The following JAKMIP1 variants were observed in gnomAD, a reference collection of about 807,000 sequenced individuals.
JAKMIP1 encodes janus kinase and microtubule-interacting protein 1.
Under a neutral mutation model 113.0 loss-of-function variants are expected in JAKMIP1, and 33 were observed. The observed-to-expected ratio is 0.29, with a 90% CI of 0.22 to 0.39. The LOEUF (loss-of-function observed/expected upper bound fraction) is 0.39. Among genes scored for constraint, JAKMIP1 ranks in the 10% least tolerant of loss-of-function variants. JAKMIP1 has a pLI of 1.00. For synonymous variants in JAKMIP1, 480 were observed against 459.9 expected, an observed-to-expected ratio of 1.04 and a Z score of -0.56; for missense variants, 813 against 1,080.5, an observed-to-expected ratio of 0.75 and a Z score of 3.47.
At chr4:6,165,968 C>T (rs577023330) in intron 1 of JAKMIP1, among the ~76,000 whole-genome samples, 256 of 152,246 alleles carry the variant, frequency 1.7e-3, no homozygotes, top group African/African-American at 5.9e-3. Flanking sequence ...CTCCTGAGGG[C>T]TGCCGGCATT....
rs1421213473 is a variant in JAKMIP1 at position 6,197,686 on chromosome 4, C to T, written c.-148+2567G>A. Among the ~76,000 whole-genome samples, 1 of 152,190 alleles carries T rather than the reference C, an allele frequency of 6.6e-6. No individual in the cohort carries two copies. The highest frequency in any genetic ancestry group is 6.5e-5 in the Admixed American group (1 of 15,282). ...CATCCTCAGACTCCCCAAGGGAAGC[C>T]CCCATTTAGTTAGAAAGCCCAGCAG... On this transcript the variant is annotated intron_variant, in intron 1 of 20. Transcript: ENST00000409021. This position sits in a 1 kb window ranked among gnomAD's most constrained non-coding sequence, Gnocchi z 6.5.
rs1025152048 is a variant in JAKMIP1 at position 6,049,025 on chromosome 4, T to G, written c.1963-103A>C. On this transcript the variant is annotated intron_variant, in intron 15 of 20. Coordinates refer to ENST00000409021, the MANE Select transcript of JAKMIP1 (RefSeq NM_001099433.2). This position sits in a 1 kb window ranked among gnomAD's most constrained non-coding sequence, Gnocchi z 7.0. ...TTTTTTTTTCGTTGTTGTTGTTTGT[T>G]TTATTATGTTTGTTTGTTTTGAGAC... The G allele has an allele frequency of 1.2e-6, 1 of 853,450 alleles. No individual in the cohort carries two copies. Among genetic ancestry groups the G allele is most frequent in the African/African-American group, 1.7e-5 (1 of 59,244 alleles). 52.9% of individuals were successfully genotyped at this position (853,450 alleles called of 1,614,324 possible). A position where few individuals can be genotyped will look rare whatever the true frequency, so the allele number is the denominator to read the frequency against.
At position 6,081,869 on chromosome 4, in the gene JAKMIP1, T is replaced by A; in HGVS notation, c.955-114A>T. ...GTTAGGACCCCTTCTGAGGCCAGTG[T>A]CCTGGATGACACATTTGTTTGCTAG... On this transcript the variant is annotated intron_variant, in intron 5 of 20. Transcript: ENST00000409021. The surrounding 1 kb of genome is among the most constrained non-coding windows in gnomAD (Gnocchi z 4.6). 8.5e-7 allele frequency: 1 copy of A among 1,180,130 alleles called. No homozygotes were observed. Among genetic ancestry groups the A allele is most frequent in the Non-Finnish European group, 1.2e-6 (1 of 832,612 alleles). 73.1% of individuals were successfully genotyped at this position (1,180,130 alleles called of 1,614,324 possible). A position where few individuals can be genotyped will look rare whatever the true frequency, so the allele number is the denominator to read the frequency against.
In JAKMIP1 at chr4:6,080,502, C is replaced by T. The variant is rs11933460; in HGVS notation, c.1102-190G>A. ...CTTGAATTGCGGCTCCCAGAACTCC[C>T]GTGTGTTGTGGGAGGGGCCAGGTGG... On this transcript the variant is annotated intron_variant, in intron 6 of 20. Transcript: ENST00000409021. The surrounding 1 kb of genome is among the most constrained non-coding windows in gnomAD (Gnocchi z 6.0). Among the ~76,000 whole-genome samples, 969 of 152,186 alleles carry T rather than the reference C, an allele frequency of 6.4e-3. 11 individuals are homozygous for T. Among genetic ancestry groups the T allele is most frequent in the African/African-American group, 0.022 (913 of 41,516 alleles).
chr4:6,032,634 G>C (rs984808587), intron 19 of JAKMIP1, among the ~76,000 whole-genome samples: 6 of 151,868 alleles, frequency 4.0e-5, no homozygotes, highest in Non-Finnish European at 8.8e-5. Context: ...AACAGTGCTT[G>C]GTACACGAAT....
chr4:6,131,957 A>G (rs10014310), intron 1 of JAKMIP1, among the ~76,000 whole-genome samples: 7,431 of 152,316 alleles, frequency 0.049, 547 homozygotes, highest in African/African-American at 0.17. Context: ...GATTAAAAGC[A>G]GCTCTTCAGA....
intron 3 of JAKMIP1, among the ~76,000 whole-genome samples, chr4:6,085,993 C>T (rs959636412): frequency 2.1e-5 from 3 of 145,406 alleles, no homozygotes; most frequent in African/African-American, 8.5e-5. Context: ...CTTCTCTCTC[C>T]GTCTCCAGGA....
At position 6,129,685 on chromosome 4, in the gene JAKMIP1, G is replaced by A. The variant is rs1718238735; in HGVS notation, c.-147-16688C>T. 6.6e-6 allele frequency among the ~76,000 whole-genome samples: 1 copy of A among 152,170 alleles called. No individual in the cohort carries two copies. Among genetic ancestry groups the A allele is most frequent in the Non-Finnish European group, 1.5e-5 (1 of 68,032 alleles). On this transcript the variant is annotated intron_variant, in intron 1 of 20. Transcript: ENST00000409021. This position sits in a 1 kb window ranked among gnomAD's most constrained non-coding sequence, Gnocchi z 5.4. ...ATTTCCCTACACAGATCAGGAGGAAGCCATCCCTCTGCATTGTAAATATGA... is the reference window on the plus strand; with the variant it reads ...ATTTCCCTACACAGATCAGGAGGAAACCATCCCTCTGCATTGTAAATATGA...
chr4:6,075,659 C>T (rs533106159), intron 8 of JAKMIP1, among the ~76,000 whole-genome samples: 53 of 152,308 alleles, frequency 3.5e-4, no homozygotes, highest in African/African-American at 1.3e-3. Context: ...TGCAACAATC[C>T]AGTGTCATAC....
chr4:6,117,568 T>C (rs2108900861), intron 1 of JAKMIP1, among the ~76,000 whole-genome samples: 1 of 152,282 alleles, frequency 6.6e-6, no homozygotes, highest in African/African-American at 2.4e-5. Flanking sequence ...ACCATTGTCA[T>C]TGATAACATC....
At chr4:6,152,245 A>T (rs1721655332) in intron 1 of JAKMIP1, among the ~76,000 whole-genome samples, 1 of 152,180 alleles carries the variant, frequency 6.6e-6, no homozygotes, top group African/African-American at 2.4e-5. Context: ...GGGAGTAAAA[A>T]GGTGAAATTT....
intron 8 of JAKMIP1, among the ~76,000 whole-genome samples, chr4:6,070,588 A>G (rs1718818516): frequency 6.6e-6 from 1 of 152,242 alleles, no homozygotes; most frequent in Non-Finnish European, 1.5e-5. Flanking sequence ...ACCATGGCAC[A>G]GGCCCTGGGT....
At chr4:6,164,458 T>C (rs1197272308) in intron 1 of JAKMIP1, among the ~76,000 whole-genome samples, 1 of 140,152 alleles carries the variant, frequency 7.1e-6, no homozygotes, top group Non-Finnish European at 1.5e-5. Context: ...GAGATTGATG[T>C]TGTTGTCATG....
At chr4:6,125,291 G>A (rs1717250021) in intron 1 of JAKMIP1, among the ~76,000 whole-genome samples, 1 of 152,010 alleles carries the variant, frequency 6.6e-6, no homozygotes, top group Admixed American at 6.5e-5. Context: ...CGGGCTGGCT[G>A]ACCCCTCACC....
Position 6,193,338 on chromosome 4 carries a change from G to T in JAKMIP1, c.-148+6915C>A, listed in dbSNP as rs187021327. ...CTCCTCAACTTGCAGACAGCCCATC[G>T]TGAGACTTTACCTTGTGATCGGTGA... is the stretch of plus-strand genomic sequence containing the variant. On this transcript the variant is annotated intron_variant, in intron 1 of 20. Transcript: ENST00000409021. This position sits in a 1 kb window ranked among gnomAD's most constrained non-coding sequence, Gnocchi z 6.4. Among the ~76,000 whole-genome samples, 7 of 152,282 alleles carry T rather than the reference G, an allele frequency of 4.6e-5. No homozygotes were observed. The East Asian group carries it at 1.4e-3, about 29-fold the overall frequency.
In JAKMIP1 at chr4:6,157,514, G is replaced by A. The variant is rs1021621645; in HGVS notation, c.-148+42739C>T. On this transcript the variant is annotated intron_variant, in intron 1 of 20. Coordinates refer to ENST00000409021, the MANE Select transcript of JAKMIP1 (RefSeq NM_001099433.2). The surrounding 1 kb of genome is among the most constrained non-coding windows in gnomAD (Gnocchi z 4.7). ...AATCAAACTTCAGCGTACACTTTCC[G>A]TAACACCTTTTTTGACTAAGAATCC... Among the ~76,000 whole-genome samples the A allele has an allele frequency of 6.6e-5, 10 of 152,246 alleles. No homozygotes were observed. Among genetic ancestry groups the A allele is most frequent in the South Asian group, 6.2e-4 (3 of 4,824 alleles).
Position 6,048,713 on chromosome 4 carries a change from C to T in JAKMIP1, c.2028+144G>A, listed in dbSNP as rs75022712. ...TGTGGGACTTCCGTCATGAAGAGAACGGAAAGGCATGCATGTGCACGTGCA... is the reference window on the plus strand; with the variant it reads ...TGTGGGACTTCCGTCATGAAGAGAATGGAAAGGCATGCATGTGCACGTGCA... On this transcript the variant is annotated intron_variant, in intron 16 of 20. Transcript: ENST00000409021. The T allele has an allele frequency of 4.8e-3, 3,079 of 638,920 alleles. 7 individuals are homozygous for T. Among genetic ancestry groups the T allele is most frequent in the Non-Finnish European group, 6.1e-3 (2,222 of 364,646 alleles). The allele number at this position is 638,920 out of a possible 1,614,324, so 39.6% of individuals were successfully genotyped here.
At position 6,194,470 on chromosome 4, in the gene JAKMIP1, A is replaced by T. The variant is rs763769347; in HGVS notation, c.-148+5783T>A. ...AGGAGACAGAAGCTCCAAGGGTAAA[A>T]GATAGTGGAAAGCTACTTACCAGCT... On this transcript the variant is annotated intron_variant, in intron 1 of 20. Coordinates refer to ENST00000409021, the MANE Select transcript of JAKMIP1 (RefSeq NM_001099433.2). This position sits in a 1 kb window ranked among gnomAD's most constrained non-coding sequence, Gnocchi z 7.4. The T allele has an allele frequency of 6.6e-6, 1 of 152,052 alleles. No individual in the cohort carries two copies. Among genetic ancestry groups the T allele is most frequent in the Non-Finnish European group, 1.5e-5 (1 of 68,058 alleles). 9.4% of individuals were successfully genotyped at this position (152,052 alleles called of 1,614,324 possible).
At chr4:6,144,128 A>AT (rs1440416421) in intron 1 of JAKMIP1, among the ~76,000 whole-genome samples, 1 of 152,234 alleles carries the variant, frequency 6.6e-6, no homozygotes, top group Non-Finnish European at 1.5e-5. Flanking sequence ...TTAAAAAAAA[A>AT]GTGCAAATCT....
Sources: gnomAD v4.1 joint callset for allele counts (sites outside exome capture counted in the v4.1 genomes callset) on GRCh38, gnomAD v4.1.1 for gene constraint, Gnocchi (gnomAD v3.1) non-coding constraint, MANE v1.5 for transcripts, NCBI Gene and HGNC (gene_info 2026-07-23, HGNC 2026-07-21) for gene names.